The following CUTC variants were observed in gnomAD, a reference collection of about 807,000 sequenced individuals.
CUTC encodes the protein cutC copper transporter.
A neutral mutation model predicts 36.2 loss-of-function variants in CUTC; 27 were observed. The ratio of observed to expected loss-of-function variants is 0.75; its 90% CI spans 0.55 to 1.03. The LOEUF (loss-of-function observed/expected upper bound fraction) is 1.03. Ranked by LOEUF, CUTC falls within the 50% of genes least tolerant of loss-of-function variation. The probability of loss-of-function intolerance (pLI) is 0.00; values close to 1 mark genes in which losing one functional copy is unlikely to be tolerated. For synonymous variants in CUTC, 114 were observed against 118.3 expected (o/e 0.96, Z 0.24); for missense variants, 315 against 343.5 (o/e 0.92, Z 0.66).
intron 1 of CUTC, among the ~76,000 whole-genome samples, chr10:99,734,101 C>T (rs1308831752): frequency 1.5e-5 from 2 of 136,310 alleles, no homozygotes; most frequent in Admixed American, 1.6e-4. Flanking sequence ...CGGAGTCTGG[C>T]TCTTGTCGCC....
intron 1 of CUTC, among the ~76,000 whole-genome samples, chr10:99,735,101 C>CAAAAAAAAAAA (rs56971127): frequency 2.9e-5 from 2 of 68,770 alleles, no homozygotes; most frequent in Admixed American, 2.3e-4. Flanking sequence ...GACTCTGTAT[C>CAAAAAAAAAAA]AAAAAAAAAA....
chr10:99,732,256 C>T lies in CUTC; in HGVS notation c.-93C>T. On this transcript the variant is annotated 5_prime_UTR_variant, in exon 1 of 9. Transcript: ENST00000370476. ...GGTGTCGGGGACGCGCGCACGGGCG[C>T]GCGCAGCTGTTGACGCGCTTCTTAG... 6.5e-7 allele frequency: 1 copy of T among 1,529,666 alleles called. No individual in the cohort carries two copies. The highest frequency in any genetic ancestry group is 8.8e-7 in the Non-Finnish European group (1 of 1,137,626). The allele number at this position is 1,529,666 out of a possible 1,614,324, so 94.8% of individuals were successfully genotyped here.
chr10:99,751,789 C>T (rs1055016365), intron 7 of CUTC, among the ~76,000 whole-genome samples: 2 of 152,168 alleles, frequency 1.3e-5, no homozygotes, highest in East Asian at 1.9e-4. Flanking sequence ...ACCAAGGAGG[C>T]GGAGGTTGCA....
intron 8 of CUTC, among the ~76,000 whole-genome samples, chr10:99,755,351 G>A (rs1470540806): frequency 2.0e-5 from 3 of 147,506 alleles, no homozygotes; most frequent in Middle Eastern, 3.2e-3. Context: ...TTAGCTGGGC[G>A]TGGTGATACA....
intron 5 of CUTC, among the ~76,000 whole-genome samples, chr10:99,746,607 T>G: frequency 6.6e-6 from 1 of 152,258 alleles, no homozygotes; most frequent in South Asian, 2.1e-4. Context: ...TAAGTAAATA[T>G]ACTATTTAAA....
At chr10:99,749,808 A>G (rs2037403106) in intron 6 of CUTC, among the ~76,000 whole-genome samples, 1 of 151,506 alleles carries the variant, frequency 6.6e-6, no homozygotes, top group Middle Eastern at 3.2e-3. Context: ...TTTCTTTGTT[A>G]TACTTATTGC....
chr10:99,755,605 C>T lies in CUTC; in HGVS notation c.708-20C>T, dbSNP rs1345273782. On this transcript the variant is annotated intron_variant, in intron 8 of 8. Transcript: ENST00000370476. ...CATTTAATAACATAATTATCTGTTC[C>T]TTTATTATTTCTGTTACAGAAATTC... 1.3e-6 allele frequency: 2 copies of T among 1,504,390 alleles called. No individual in the cohort carries two copies. Among genetic ancestry groups the T allele is most frequent in the Non-Finnish European group, 1.8e-6 (2 of 1,082,102 alleles). The allele number at this position is 1,504,390 out of a possible 1,614,324, so 93.2% of individuals were successfully genotyped here. A position where few individuals can be genotyped will look rare whatever the true frequency, so the allele number is the denominator to read the frequency against.
chr10:99,744,768 T>A (rs1273422383), intron 5 of CUTC, among the ~76,000 whole-genome samples: 1 of 152,260 alleles, frequency 6.6e-6, no homozygotes, highest in Non-Finnish European at 1.5e-5. Context: ...TTTGTTTGTT[T>A]GTTTGAGACG....
chr10:99,739,190 G>A (rs1046230545), intron 2 of CUTC, among the ~76,000 whole-genome samples: 1 of 152,116 alleles, frequency 6.6e-6, no homozygotes, highest in Admixed American at 6.5e-5. Context: ...TCTTTGGCTA[G>A]TGAGAGCTTC....
intron 8 of CUTC, among the ~76,000 whole-genome samples, chr10:99,754,836 G>A (rs1185499450): frequency 6.6e-6 from 1 of 151,744 alleles, no homozygotes; most frequent in Non-Finnish European, 1.5e-5. Flanking sequence ...TTTGAACATA[G>A]GTGAACCTTG....
At chr10:99,743,437 T>C in intron 4 of CUTC, 75 bp downstream of exon 4, 1 of 1,378,638 alleles carries the variant, frequency 7.3e-7, no homozygotes, top group Non-Finnish European at 1.0e-6. Flanking sequence ...AAAAACAACA[T>C]CACAAAACTG....
At chr10:99,738,567 A>G (rs1203330758) in intron 2 of CUTC, among the ~76,000 whole-genome samples, 2 of 152,138 alleles carry the variant, frequency 1.3e-5, no homozygotes, top group African/African-American at 2.4e-5. Flanking sequence ...CAACTGTGAT[A>G]TTCATCTTTT....
intron 3 of CUTC, among the ~76,000 whole-genome samples, chr10:99,741,829 C>T (rs2037343539): frequency 6.6e-6 from 1 of 152,196 alleles, no homozygotes; most frequent in South Asian, 2.1e-4. Flanking sequence ...ATCTCAGCCT[C>T]CCAAAGCACT....
intron 1 of CUTC, among the ~76,000 whole-genome samples, 200 bp from the exon 2 acceptor site, chr10:99,736,046 G>A (rs532394461): frequency 6.6e-6 from 1 of 152,154 alleles, no homozygotes; most frequent in Non-Finnish European, 1.5e-5. Context: ...TTATACATCT[G>A]TCTGTGTACC....
intron 8 of CUTC, among the ~76,000 whole-genome samples, chr10:99,754,940 C>T (rs538962904): frequency 6.6e-6 from 1 of 152,252 alleles, no homozygotes; most frequent in South Asian, 2.1e-4. Context: ...TGTGCCCATT[C>T]GCCTATGATT....
intron 1 of CUTC, among the ~76,000 whole-genome samples, chr10:99,735,837 A>G (rs2037292652): frequency 6.6e-6 from 1 of 152,228 alleles, no homozygotes. Context: ...CTAATCTAGG[A>G]TCTCACACTA....
chr10:99,732,284 G>T lies in CUTC; in HGVS notation c.-65G>T, dbSNP rs2037199323. ...GCAGCTGTTGACGCGCTTCTTAGCTGGTGCGCGCCGGAGCCCAAATTCCAA... is the reference window on the plus strand; with the variant it reads ...GCAGCTGTTGACGCGCTTCTTAGCTTGTGCGCGCCGGAGCCCAAATTCCAA... On this transcript the variant is annotated 5_prime_UTR_variant, in exon 1 of 9. Coordinates refer to ENST00000370476, the MANE Select transcript of CUTC (RefSeq NM_015960.3). The T allele has an allele frequency of 1.0e-5, 16 of 1,547,330 alleles. No individual in the cohort carries two copies. The South Asian group carries it at 1.5e-4, about 15-fold the overall frequency.
intron 1 of CUTC, among the ~76,000 whole-genome samples, chr10:99,732,984 C>G (rs949364265): frequency 1.3e-5 from 2 of 152,166 alleles, no homozygotes; most frequent in Admixed American, 1.3e-4. Context: ...TAAAAGTTAT[C>G]AAGAATCCTC....
At chr10:99,748,764 AG>A (rs1198670890) in intron 6 of CUTC, among the ~76,000 whole-genome samples, 1 of 152,166 alleles carries the variant, frequency 6.6e-6, no homozygotes, top group Non-Finnish European at 1.5e-5. Context: ...TCTGTGTAAA[AG>A]TTGGGGGCAG....
Sources: allele counts gnomAD v4.1 joint callset (sites outside exome capture counted in the v4.1 genomes callset), GRCh38; gene constraint gnomAD v4.1.1; transcripts MANE v1.5; gene names NCBI Gene and HGNC (gene_info 2026-07-23, HGNC 2026-07-21).